SLC41A1: variants seen among roughly 807,000 people sequenced by gnomAD.
SLC41A1 encodes solute carrier family 41 (magnesium transporter), member 1.
A neutral mutation model predicts 47.3 loss-of-function variants in SLC41A1; 20 were observed. The ratio of observed to expected loss-of-function variants is 0.42; its 90% CI spans 0.30 to 0.61. The LOEUF is 0.61. Ranked by LOEUF, SLC41A1 falls within the 20% of genes least tolerant of loss-of-function variation. The pLI, the probability that SLC41A1 is intolerant of heterozygous loss-of-function variation, is 0.17. For synonymous variants in SLC41A1, 282 were observed against 272.7 expected, an observed-to-expected ratio of 1.03 and a Z score of -0.34; for missense variants, 504 against 674.1, an observed-to-expected ratio of 0.75 and a Z score of 2.79.
At chr1:205,798,190 C>T (rs1655792180) in intron 6 of SLC41A1, 139 bp from the exon 7 acceptor site, 5 of 1,318,050 alleles carry the variant, frequency 3.8e-6, no homozygotes, top group Non-Finnish European at 5.3e-6. Flanking sequence ...CCCATTTGAT[C>T]TTCACTGGCA....
chr1:205,807,956 C>T (rs1015853207), intron 2 of SLC41A1, among the ~76,000 whole-genome samples: 1 of 150,574 alleles, frequency 6.6e-6, no homozygotes, highest in African/African-American at 2.5e-5. Context: ...CATGCCCAGC[C>T]AGAGTTTTTT....
chr1:205,793,697 G>A (rs1469229385), intron 10 of SLC41A1, among the ~76,000 whole-genome samples: 1 of 152,220 alleles, frequency 6.6e-6, no homozygotes, highest in Admixed American at 6.5e-5. Flanking sequence ...TTTATGTATT[G>A]ATATGGAATG....
At chr1:205,812,299 G>A (rs960009922) in intron 1 of SLC41A1, among the ~76,000 whole-genome samples, 2 of 152,192 alleles carry the variant, frequency 1.3e-5, no homozygotes, top group African/African-American at 4.8e-5. Context: ...ACTGGCCCAG[G>A]AGAACTGTTT....
intron 2 of SLC41A1, among the ~76,000 whole-genome samples, chr1:205,804,934 C>T (rs1002931741): frequency 1.3e-5 from 2 of 152,210 alleles, no homozygotes. Flanking sequence ...ATATTGCTTG[C>T]TTTTATTATT....
chr1:205,794,943 C>G lies in SLC41A1; in HGVS notation c.1283G>C (p.Ser428Thr), dbSNP rs764717309. 3 of 1,614,066 alleles carry G rather than the reference C, an allele frequency of 1.9e-6. No individual in the cohort carries two copies. Among genetic ancestry groups the G allele is most frequent in the Non-Finnish European group, 2.5e-6 (3 of 1,180,014 alleles). ...PGHLVFLYTI[S>T]CMQGGHTTLT... ...GGTGGTGTGCCCGCCCTGCATACAG[C>G]TGATGGTGTAGAGGAACACCAGGTG... The change falls in exon 10 of 11, where the codon AGC becomes ACC. Residue 428 changes from serine to threonine, a missense_variant. Transcript: ENST00000367137.
At chr1:205,798,187 G>T in intron 6 of SLC41A1, 136 bp from the exon 7 acceptor site, 1 of 1,327,390 alleles carries the variant, frequency 7.5e-7, no homozygotes, top group Non-Finnish European at 1.1e-6. Flanking sequence ...TATCCCATTT[G>T]ATCTTCACTG....
chr1:205,793,254 G>C (rs1410171325), intron 10 of SLC41A1, among the ~76,000 whole-genome samples: 2 of 152,346 alleles, frequency 1.3e-5, no homozygotes, highest in East Asian at 3.9e-4. Context: ...ATCAATAAGA[G>C]CCTTTACAGG....
At chr1:205,798,547 A>T in intron 6 of SLC41A1, 122 bp downstream of exon 6, 1 of 1,414,376 alleles carries the variant, frequency 7.1e-7, no homozygotes, top group Non-Finnish European at 9.9e-7. Context: ...AGGAATTATT[A>T]CAACCTGTGT....
At chr1:205,807,702 C>G (rs1321661883) in intron 2 of SLC41A1, among the ~76,000 whole-genome samples, 1 of 115,548 alleles carries the variant, frequency 8.7e-6, no homozygotes, top group Non-Finnish European at 1.6e-5. Flanking sequence ...GTTGCTGAGG[C>G]TGGAGTGCAG....
chr1:205,797,835 A>G, intron 7 of SLC41A1, 69 bp downstream of exon 7: 1 of 1,601,320 alleles, frequency 6.2e-7, no homozygotes, highest in South Asian at 1.1e-5. Context: ...CCATCTCTCC[A>G]GGGTTTAAAA....
intron 10 of SLC41A1, among the ~76,000 whole-genome samples, chr1:205,792,628 T>G (rs2102499531): frequency 6.6e-6 from 1 of 152,304 alleles, no homozygotes; most frequent in Non-Finnish European, 1.5e-5. Flanking sequence ...CATGCGCTTT[T>G]AAGTTGGCGA....
intron 2 of SLC41A1, chr1:205,801,340 G>T: frequency 2.5e-6 from 1 of 407,838 alleles, no homozygotes; most frequent in South Asian, 2.1e-5. Context: ...TTTCCTGGAG[G>T]TGGGTGGGGA....
intron 5 of SLC41A1, 70 bp downstream of exon 5, chr1:205,798,887 G>A: frequency 1.2e-6 from 2 of 1,614,190 alleles, no homozygotes; most frequent in Non-Finnish European, 1.7e-6. Context: ...CAAAAAGAGA[G>A]AGTGGAAGTG....
intron 6 of SLC41A1, 125 bp downstream of exon 6, chr1:205,798,542 TTA>T: frequency 7.3e-7 from 1 of 1,378,870 alleles, no homozygotes; most frequent in Non-Finnish European, 1.0e-6. Flanking sequence ...AGATCAGGAA[TTA>T]TTACAACCTG....
At chr1:205,800,699 G>A (rs1372901012) in intron 3 of SLC41A1, among the ~76,000 whole-genome samples, 4 of 152,130 alleles carry the variant, frequency 2.6e-5, no homozygotes, top group Admixed American at 2.6e-4. Flanking sequence ...AGGGGGTGGG[G>A]CAGGAGTCCA....
Position 205,810,467 on chromosome 1 carries a change from G to T in SLC41A1, c.-26C>A. 6.2e-7 allele frequency: 1 copy of T among 1,614,126 alleles called. No individual in the cohort carries two copies. The highest frequency in any genetic ancestry group is 8.5e-7 in the Non-Finnish European group (1 of 1,180,050). On this transcript the variant is annotated 5_prime_UTR_variant, in exon 2 of 11. Transcript: ENST00000367137. This position sits in a 1 kb window ranked among gnomAD's most constrained non-coding sequence, Gnocchi z 5.5. ...GACAGGCACGGAGGAGGGGAAGGGA[G>T]AACTTTCCTCTCTTCTTTTTGCTTT...
In SLC41A1 at chr1:205,813,002, G is replaced by C; in HGVS notation, c.-841C>G. Reference sequence around the variant, plus strand: ...CCGGCTCGCTACATTTCGCTTCTGCGTTACAGCGAGGCCGCCGCTCCGCTT... The same window carrying C: ...CCGGCTCGCTACATTTCGCTTCTGCCTTACAGCGAGGCCGCCGCTCCGCTT... On this transcript the variant is annotated 5_prime_UTR_variant, in exon 1 of 11. Transcript: ENST00000367137. 2 of 985,594 alleles carry C rather than the reference G, an allele frequency of 2.0e-6. No individual in the cohort carries two copies. Among genetic ancestry groups the C allele is most frequent in the African/African-American group, 1.7e-5 (1 of 57,378 alleles). The allele number at this position is 985,594 out of a possible 1,614,324, so 61.1% of individuals were successfully genotyped here. A position where few individuals can be genotyped will look rare whatever the true frequency, so the allele number is the denominator to read the frequency against.
At position 205,810,052 on chromosome 1, in the gene SLC41A1, G is replaced by A. The variant is rs201754479; in HGVS notation, c.372+18C>T. 1 of 1,614,100 alleles carries A rather than the reference G, an allele frequency of 6.2e-7. No individual in the cohort carries two copies. The highest frequency in any genetic ancestry group is 2.2e-5 in the East Asian group (1 of 44,876). ...GGCCCTGGGCTCACAGTCAAGAGCT[G>A]CCCTACTCAGGTCCTACCTGCACGA... On this transcript the variant is annotated intron_variant, in intron 2 of 10. Transcript: ENST00000367137. The surrounding 1 kb of genome is among the most constrained non-coding windows in gnomAD (Gnocchi z 5.5).
rs1305970533 is a variant in SLC41A1, at chr1:205,799,545, A to C, written c.552+214T>G. Among the ~76,000 whole-genome samples, 6 of 152,068 alleles carry C rather than the reference A, an allele frequency of 3.9e-5. No individual in the cohort carries two copies. The East Asian group carries it at 1.2e-3, about 29-fold the overall frequency. ...GGGACTCAAAGGCACGTGCACCACCAAGAACTGAGAACCAGAATGGGTGAT... is the reference window on the plus strand; with the variant it reads ...GGGACTCAAAGGCACGTGCACCACCCAGAACTGAGAACCAGAATGGGTGAT... On this transcript the variant is annotated intron_variant, in intron 4 of 10. Coordinates refer to ENST00000367137, the MANE Select transcript of SLC41A1 (RefSeq NM_173854.6).
Sources: allele counts gnomAD v4.1 joint callset (sites outside exome capture counted in the v4.1 genomes callset), GRCh38; gene constraint gnomAD v4.1.1; non-coding constraint Gnocchi (gnomAD v3.1); transcripts MANE v1.5; gene names NCBI Gene and HGNC (gene_info 2026-07-23, HGNC 2026-07-21).